The following RIT2 variants were observed in gnomAD, a reference collection of about 807,000 sequenced individuals.
RIT2 encodes GTP-binding protein Rit2.
A neutral mutation model predicts 23.7 loss-of-function variants in RIT2; 24 were observed. The observed-to-expected ratio is 1.01, with a 90% CI of 0.73 to 1.43. The LOEUF is 1.43. RIT2 is among the 40% of genes most tolerant of loss of function. The pLI, the probability that RIT2 is intolerant of heterozygous loss-of-function variation, is 0.00. For missense variants in RIT2, 236 were observed against 266.9 expected (o/e 0.88, Z 0.81); for synonymous variants, 107 against 91.1 (o/e 1.17, Z -0.99).
chr18:42,920,837 T>C lies in RIT2; in HGVS notation c.426+2735A>G, dbSNP rs1029764350. On this transcript the variant is annotated intron_variant, in intron 4 of 4. Transcript: ENST00000326695. ...CCACTAAACAATAGCACCAGTGTAA[T>C]TTCACCGTTGAGAGTTTAACTTTAT... 9.2e-6 allele frequency: 9 copies of C among 983,468 alleles called. No individual in the cohort carries two copies. The Admixed American group carries it at 1.6e-4, about 17-fold the overall frequency. The allele number at this position is 983,468 out of a possible 1,614,324, so 60.9% of individuals were successfully genotyped here. A position where few individuals can be genotyped will look rare whatever the true frequency, so the allele number is the denominator to read the frequency against.
chr18:42,872,356 C>T (rs1480026785), intron 4 of RIT2, among the ~76,000 whole-genome samples: 1 of 152,160 alleles, frequency 6.6e-6, no homozygotes, highest in Non-Finnish European at 1.5e-5. Flanking sequence ...TTAATCTACA[C>T]TGTAGACCTG....
chr18:43,004,581 T>C (rs1246122546), intron 2 of RIT2, among the ~76,000 whole-genome samples: 2 of 151,828 alleles, frequency 1.3e-5, no homozygotes, highest in African/African-American at 4.8e-5. Flanking sequence ...TTCTGGGAAG[T>C]GCAATTAGTC....
chr18:42,763,059 C>T (rs544908761), intron 4 of RIT2, among the ~76,000 whole-genome samples: 1 of 152,246 alleles, frequency 6.6e-6, no homozygotes, highest in South Asian at 2.1e-4. Context: ...AGGCTGCAAA[C>T]CTGTACATCA....
chr18:42,901,289 A>G (rs187953085), intron 4 of RIT2, among the ~76,000 whole-genome samples: 184 of 152,170 alleles, frequency 1.2e-3, no homozygotes, highest in African/African-American at 4.2e-3. Flanking sequence ...AAGCACTTGT[A>G]CAATTGTTTC....
chr18:42,961,500 C>G (rs981418931), intron 3 of RIT2, among the ~76,000 whole-genome samples: 13 of 152,180 alleles, frequency 8.5e-5, no homozygotes, highest in African/African-American at 2.4e-4. Context: ...GTACTATCCT[C>G]TGATAACTGG....
rs145248948 is a variant in RIT2, at chr18:42,906,453, C to T, written c.426+17119G>A. ...TTATAAGAGATGTTCCCTTTGATTA[C>T]AATAAAAGGGTCTTTTTTTCCTTGA... On this transcript the variant is annotated intron_variant, in intron 4 of 4. Coordinates refer to ENST00000326695, the MANE Select transcript of RIT2 (RefSeq NM_002930.4). 1.4e-3 allele frequency among the ~76,000 whole-genome samples: 207 copies of T among 152,128 alleles called. 2 individuals are homozygous for T. The highest frequency in any genetic ancestry group is 4.6e-3 in the African/African-American group (190 of 41,496).
intron 4 of RIT2, among the ~76,000 whole-genome samples, chr18:42,843,677 T>G (rs1475870182): frequency 2.0e-5 from 3 of 152,186 alleles, no homozygotes; most frequent in Admixed American, 2.0e-4. Context: ...GGGTTCTCAA[T>G]TTATAAAGTT....
intron 4 of RIT2, among the ~76,000 whole-genome samples, chr18:42,885,082 G>A (rs1282589950): frequency 6.6e-6 from 1 of 152,154 alleles, no homozygotes; most frequent in Non-Finnish European, 1.5e-5. Flanking sequence ...CTTCTGTTGT[G>A]AATTCATCTT....
chr18:42,887,921 CTG>C (rs1425126545), intron 4 of RIT2, among the ~76,000 whole-genome samples: 1 of 152,092 alleles, frequency 6.6e-6, no homozygotes, highest in African/African-American at 2.4e-5. Context: ...AGGCTACACA[CTG>C]TATAATTCTA....
chr18:42,882,110 T>A (rs1466466606), intron 4 of RIT2, among the ~76,000 whole-genome samples: 1 of 152,228 alleles, frequency 6.6e-6, no homozygotes, highest in Non-Finnish European at 1.5e-5. Flanking sequence ...GATTATTTTT[T>A]AACTATATAT....
At chr18:42,797,015 T>G (rs1598657927) in intron 4 of RIT2, among the ~76,000 whole-genome samples, 1 of 152,284 alleles carries the variant, frequency 6.6e-6, no homozygotes, top group East Asian at 1.9e-4. Flanking sequence ...TAAATCCATA[T>G]GTACCTATTG....
At chr18:42,953,186 C>A (rs992921749) in intron 3 of RIT2, among the ~76,000 whole-genome samples, 6 of 151,980 alleles carry the variant, frequency 3.9e-5, no homozygotes, top group Non-Finnish European at 7.4e-5. Flanking sequence ...ATTTTAATAT[C>A]ATTTTAATAT....
chr18:42,947,712 G>A (rs1400872898), intron 3 of RIT2, among the ~76,000 whole-genome samples: 3 of 152,096 alleles, frequency 2.0e-5, no homozygotes, highest in African/African-American at 7.2e-5. Flanking sequence ...AATTAGAAAT[G>A]TGGGTCAGTA....
intron 4 of RIT2, among the ~76,000 whole-genome samples, chr18:42,863,726 T>C (rs979740006): frequency 6.6e-6 from 1 of 152,154 alleles, no homozygotes; most frequent in African/African-American, 2.4e-5. Context: ...CTGTTTCCAC[T>C]AGTGCCAGGT....
intron 2 of RIT2, among the ~76,000 whole-genome samples, chr18:43,028,988 ATTTGTTC>A (rs533384651): frequency 1.3e-3 from 199 of 152,148 alleles, no homozygotes; most frequent in Middle Eastern, 3.4e-3. Flanking sequence ...AATGTAGTAC[ATTTGTTC>A]CATGCTGGTC....
chr18:42,986,211 T>C (rs537577255), intron 2 of RIT2, among the ~76,000 whole-genome samples: 1 of 152,046 alleles, frequency 6.6e-6, no homozygotes, highest in South Asian at 2.1e-4. Flanking sequence ...GGCTAATTTT[T>C]GTAATTTTTA....
At chr18:42,760,495 T>C (rs1365460707) in intron 4 of RIT2, among the ~76,000 whole-genome samples, 2 of 152,198 alleles carry the variant, frequency 1.3e-5, no homozygotes, top group Non-Finnish European at 2.9e-5. Context: ...ACATTATCTG[T>C]GCTTTATCCT....
intron 1 of RIT2, among the ~76,000 whole-genome samples, chr18:43,042,674 C>T (rs4516313): frequency 0.15 from 22,077 of 152,160 alleles, 1,946 homozygotes; most frequent in East Asian, 0.4. Flanking sequence ...ATGTGTCAGA[C>T]GCTGTTTAGA....
At chr18:42,899,955 A>G (rs1277762400) in intron 4 of RIT2, among the ~76,000 whole-genome samples, 1 of 152,118 alleles carries the variant, frequency 6.6e-6, no homozygotes, top group Non-Finnish European at 1.5e-5. Context: ...TATATTATTA[A>G]ATTGAGCAAG....
Sources: gnomAD v4.1 joint callset for allele counts (sites outside exome capture counted in the v4.1 genomes callset) on GRCh38, gnomAD v4.1.1 for gene constraint, MANE v1.5 for transcripts, NCBI Gene and HGNC (gene_info 2026-07-23, HGNC 2026-07-21) for gene names.